ARHGAP12: variants seen among roughly 807,000 people sequenced by gnomAD.
ARHGAP12 encodes the protein Rho GTPase activating protein 12, also known as rho GTPase-activating protein 12.
ARHGAP12 carries 64 observed loss-of-function variants against 108.6 expected under a neutral mutation model. That is an observed-to-expected ratio of 0.59 (90% CI 0.48 to 0.73). ARHGAP12 has a LOEUF of 0.73. ARHGAP12 is among the 30% of genes least tolerant of loss of function. ARHGAP12 has a pLI of 0.00. For synonymous variants in ARHGAP12, 312 were observed against 337.2 expected, an observed-to-expected ratio of 0.93 and a Z score of 0.82; for missense variants, 940 against 1,005.9, an observed-to-expected ratio of 0.93 and a Z score of 0.89.
intron 10 of ARHGAP12, among the ~76,000 whole-genome samples, chr10:31,830,041 A>C (rs937526644): frequency 6.6e-6 from 1 of 152,308 alleles, no homozygotes; most frequent in East Asian, 1.9e-4. Context: ...CTCTCTTCTC[A>C]TGGAAATTTT....
At chr10:31,812,874 G>T in intron 14 of ARHGAP12, 51 bp from the exon 15 acceptor site, 2 of 1,063,650 alleles carry the variant, frequency 1.9e-6, no homozygotes, top group East Asian at 2.5e-5. Context: ...AAGTTTTTTT[G>T]ATACAAGTTT....
At chr10:31,846,257 A>C (rs1159815160) in intron 6 of ARHGAP12, among the ~76,000 whole-genome samples, 1 of 152,170 alleles carries the variant, frequency 6.6e-6, no homozygotes, top group African/African-American at 2.4e-5. Context: ...TTCAAATGTC[A>C]AAGACAATTT....
intron 3 of ARHGAP12, among the ~76,000 whole-genome samples, chr10:31,883,130 T>C (rs774009059): frequency 1.5e-4 from 22 of 151,624 alleles, no homozygotes; most frequent in Non-Finnish European, 2.9e-4. Flanking sequence ...ACCCCATCTC[T>C]ACTAAAAATA....
intron 6 of ARHGAP12, among the ~76,000 whole-genome samples, chr10:31,850,291 G>A (rs766208112): frequency 1.3e-5 from 2 of 152,128 alleles, no homozygotes; most frequent in Non-Finnish European, 2.9e-5. Flanking sequence ...ACTAAACATT[G>A]AGCAGATTTT....
At position 31,921,128 on chromosome 10, in the gene ARHGAP12, C is replaced by CT. The variant is rs758054236; in HGVS notation, c.-111+7554dup. On this transcript the variant is annotated intron_variant, in intron 1 of 19. Coordinates refer to ENST00000344936, the MANE Select transcript of ARHGAP12 (RefSeq NM_018287.7). ...TGGTGAGACCCCGTCTCTACAAAAA[C>CT]TAAAAAAACTAGCCGGGCATGGTGA... Among the ~76,000 whole-genome samples, 879 of 151,584 alleles carry CT rather than the reference C, an allele frequency of 5.8e-3. 5 individuals are homozygous for CT. Among genetic ancestry groups the CT allele is most frequent in the Non-Finnish European group, 9.3e-3 (631 of 67,844 alleles).
intron 13 of ARHGAP12, among the ~76,000 whole-genome samples, chr10:31,815,322 A>T (rs1261036075): frequency 1.3e-5 from 2 of 151,970 alleles, no homozygotes; most frequent in Admixed American, 6.6e-5. Context: ...TTTTTCTTGG[A>T]TTCCCAGCTG....
At chr10:31,908,081 G>GT (rs1316961440) in intron 3 of ARHGAP12, 91 bp downstream of exon 3, 2 of 1,260,418 alleles carry the variant, frequency 1.6e-6, no homozygotes, top group East Asian at 5.0e-5. Context: ...AGCAAAACAA[G>GT]TCTTAACTCT....
At chr10:31,866,970 C>T (rs914129905) in intron 3 of ARHGAP12, among the ~76,000 whole-genome samples, 2 of 152,008 alleles carry the variant, frequency 1.3e-5, no homozygotes, top group East Asian at 1.9e-4. Context: ...TCTTCAAAAC[C>T]GATAAACCAA....
chr10:31,838,600 T>G (rs1025985985), intron 9 of ARHGAP12, among the ~76,000 whole-genome samples: 1 of 151,466 alleles, frequency 6.6e-6, no homozygotes, highest in African/African-American at 2.4e-5. Context: ...GGGGCCAGGG[T>G]GGGTGGATCA....
intron 6 of ARHGAP12, among the ~76,000 whole-genome samples, chr10:31,851,174 C>T (rs1183411967): frequency 6.6e-6 from 1 of 152,016 alleles, no homozygotes; most frequent in Non-Finnish European, 1.5e-5. Flanking sequence ...TTTTAAAAAA[C>T]AATCCTATTG....
chr10:31,841,718 C>T (rs1001404987), intron 7 of ARHGAP12, among the ~76,000 whole-genome samples: 5 of 152,084 alleles, frequency 3.3e-5, no homozygotes, highest in African/African-American at 1.2e-4. Context: ...GTGGTATTTT[C>T]AATTAATGGT....
At chr10:31,812,288 C>T (rs561590198) in intron 15 of ARHGAP12, among the ~76,000 whole-genome samples, 3 of 151,926 alleles carry the variant, frequency 2.0e-5, no homozygotes, top group Non-Finnish European at 4.4e-5. Context: ...GAAAAAAACA[C>T]CTTATGCTAA....
At chr10:31,897,971 C>T (rs1838773079) in intron 3 of ARHGAP12, among the ~76,000 whole-genome samples, 2 of 151,992 alleles carry the variant, frequency 1.3e-5, no homozygotes, top group African/African-American at 2.4e-5. Flanking sequence ...ACAAAAAATA[C>T]AAAAACTAGC....
At chr10:31,872,210 A>G (rs961049511) in intron 3 of ARHGAP12, among the ~76,000 whole-genome samples, 3 of 152,134 alleles carry the variant, frequency 2.0e-5, no homozygotes, top group African/African-American at 7.2e-5. Context: ...AAATCCACAC[A>G]CTAACTCCCT....
At chr10:31,923,037 G>A (rs1022682292) in intron 1 of ARHGAP12, among the ~76,000 whole-genome samples, 1 of 150,088 alleles carries the variant, frequency 6.7e-6, no homozygotes, top group African/African-American at 2.5e-5. Flanking sequence ...AGGCTAAAGT[G>A]GGAAGCCTGT....
chr10:31,870,985 G>A (rs372523639), intron 3 of ARHGAP12, among the ~76,000 whole-genome samples: 2 of 152,282 alleles, frequency 1.3e-5, no homozygotes, highest in East Asian at 3.9e-4. Context: ...AATAGCCTAG[G>A]AAAGAGGACA....
chr10:31,908,215 T>A lies in ARHGAP12; in HGVS notation c.641A>T (p.Glu214Val). ...GCTGCTGCTAAGTTCATCACCAGAT[T>A]CAGAATCTTGATGTATTCTTTCAGA... ...EGSERIHQDS[E>V]SGDELSSSST... The change falls in exon 3 of 20, where the codon GAA (glutamate) becomes GTA (valine). Residue 214 changes from glutamate to valine, a missense_variant. Transcript: ENST00000344936. 6.2e-7 allele frequency: 1 copy of A among 1,611,906 alleles called. No individual in the cohort carries two copies. Among genetic ancestry groups the A allele is most frequent in the South Asian group, 1.1e-5 (1 of 90,760 alleles).
At chr10:31,813,695 G>A (rs918766972) in intron 14 of ARHGAP12, among the ~76,000 whole-genome samples, 3 of 152,108 alleles carry the variant, frequency 2.0e-5, no homozygotes, top group Admixed American at 6.5e-5. Flanking sequence ...CAAAGCTAAC[G>A]GCCTATTTAA....
chr10:31,852,785 T>G (rs1252024629), intron 5 of ARHGAP12, among the ~76,000 whole-genome samples, 188 bp from the exon 6 acceptor site: 1 of 140,160 alleles, frequency 7.1e-6, no homozygotes, highest in African/African-American at 2.7e-5. Flanking sequence ...TGGCACCATC[T>G]CGGCTCACCA....
Sources: allele counts gnomAD v4.1 joint callset (sites outside exome capture counted in the v4.1 genomes callset), GRCh38; gene constraint gnomAD v4.1.1; transcripts MANE v1.5; gene names NCBI Gene and HGNC (gene_info 2026-07-23, HGNC 2026-07-21).